MALRD1: variants seen among roughly 807,000 people sequenced by gnomAD.
MALRD1 encodes MAM and LDL receptor class A domain containing 1, also known as MAM and LDL-receptor class A domain-containing protein 1.
Under a neutral mutation model 242.1 loss-of-function variants are expected in MALRD1, and 247 were observed. The ratio of observed to expected loss-of-function variants is 1.02; its 90% CI spans 0.92 to 1.13. The LOEUF (loss-of-function observed/expected upper bound fraction) is 1.13. Among genes scored for constraint, MALRD1 ranks in the 50% most tolerant of loss-of-function variants. MALRD1 has a pLI of 0.00. For missense variants in MALRD1, 2,989 were observed against 2,533.1 expected (o/e 1.18, Z -3.86); for synonymous variants, 995 against 866.6 (o/e 1.15, Z -2.60).
chr10:19,371,608 A>G lies in MALRD1; in HGVS notation c.4442-15920A>G, dbSNP rs117755775. Among the ~76,000 whole-genome samples the G allele has an allele frequency of 2.2e-3, 339 of 152,198 alleles. 10 individuals are homozygous for G. In the East Asian group the frequency reaches 0.041, roughly 19 times the overall value. On this transcript the variant is annotated intron_variant, in intron 26 of 39. Transcript: ENST00000454679. ...AATTAACCCTACTTGGTCAGAATCT[A>G]TTATCCCTTCTATATATTGCTAGAT...
chr10:19,488,973 G>A, intron 29 of MALRD1: 1 of 436,710 alleles, frequency 2.3e-6, no homozygotes, highest in Non-Finnish European at 4.7e-6. Flanking sequence ...GGGCGGAGGA[G>A]AAGGCGGGCT....
intron 10 of MALRD1, among the ~76,000 whole-genome samples, chr10:19,138,972 G>A (rs1833450069): frequency 6.6e-6 from 1 of 152,094 alleles, no homozygotes; most frequent in African/African-American, 2.4e-5. Flanking sequence ...TTACTTATTA[G>A]TCTTTTAAGT....
intron 26 of MALRD1, among the ~76,000 whole-genome samples, chr10:19,386,857 A>G (rs553110274): frequency 6.6e-6 from 1 of 152,142 alleles, no homozygotes; most frequent in Non-Finnish European, 1.5e-5. Context: ...TTACTAATAA[A>G]TATTAGCACT....
chr10:19,428,947 G>A (rs1031557059), intron 28 of MALRD1, among the ~76,000 whole-genome samples: 1 of 152,080 alleles, frequency 6.6e-6, no homozygotes, highest in African/African-American at 2.4e-5. Flanking sequence ...GAGCCTATCT[G>A]TAGTCTGAAT....
At chr10:19,326,176 T>C (rs937370220) in intron 22 of MALRD1, among the ~76,000 whole-genome samples, 1 of 152,088 alleles carries the variant, frequency 6.6e-6, no homozygotes, top group African/African-American at 2.4e-5. Flanking sequence ...TTGTTGTAAA[T>C]TGACTTTTTA....
At chr10:19,646,834 T>C (rs1840681818) in intron 36 of MALRD1, among the ~76,000 whole-genome samples, 1 of 152,150 alleles carries the variant, frequency 6.6e-6, no homozygotes, top group East Asian at 1.9e-4. Context: ...TGTTTCACTC[T>C]CATTTGTGAC....
At chr10:19,362,351 A>G (rs149288937) in intron 26 of MALRD1, among the ~76,000 whole-genome samples, 84 of 152,212 alleles carry the variant, frequency 5.5e-4, no homozygotes, top group African/African-American at 1.9e-3. Flanking sequence ...TGTGCCATGT[A>G]TTACTAGTAA....
At chr10:19,657,173 G>T (rs960193802) in intron 36 of MALRD1, among the ~76,000 whole-genome samples, 1 of 151,912 alleles carries the variant, frequency 6.6e-6, no homozygotes, top group Non-Finnish European at 1.5e-5. Flanking sequence ...CCGACCCTTC[G>T]CCCACTCCCT....
Position 19,209,271 on chromosome 10 carries a change from C to G in MALRD1, c.2582C>G (p.Pro861Arg). Residue 861 changes from proline (P) to arginine (R), a missense_variant, in exon 18 of 40, where the codon CCT (proline) becomes CGT (arginine). By Grantham distance (103) the Pro-to-Arg change is moderately radical. Transcript: ENST00000454679. ...TTTTATTTCATGTGAATTTCAGCAC[C>G]TGAGCTGCAGTGTAACTTTGAAACT... The part of the protein sequence containing the change: ...GDRTDEVNCA[P>R]ELQCNFETGI... 5.9e-6 allele frequency: 9 copies of G among 1,516,080 alleles called. No homozygotes were observed. The highest frequency in any genetic ancestry group is 7.9e-6 in the Non-Finnish European group (9 of 1,133,626). The allele number at this position is 1,516,080 out of a possible 1,614,324, so 93.9% of individuals were successfully genotyped here.
intron 30 of MALRD1, among the ~76,000 whole-genome samples, chr10:19,497,680 AAAG>A (rs1218999554): frequency 2.0e-5 from 3 of 152,150 alleles, no homozygotes. Context: ...TTCTTTCTAA[AAAG>A]AAAGGAAAAG....
intron 19 of MALRD1, among the ~76,000 whole-genome samples, chr10:19,260,578 T>C (rs1405129199): frequency 6.6e-6 from 1 of 152,124 alleles, no homozygotes; most frequent in East Asian, 1.9e-4. Flanking sequence ...GTAGGGGAGA[T>C]AGAAAATCTT....
intron 36 of MALRD1, among the ~76,000 whole-genome samples, chr10:19,679,525 G>T (rs902780490): frequency 2.0e-5 from 3 of 151,910 alleles, no homozygotes; most frequent in Non-Finnish European, 4.4e-5. Context: ...CATTTTTATT[G>T]TGTCTATTTA....
intron 18 of MALRD1, among the ~76,000 whole-genome samples, chr10:19,225,061 G>T (rs1588722940): frequency 6.6e-6 from 1 of 152,154 alleles, no homozygotes; most frequent in Non-Finnish European, 1.5e-5. Flanking sequence ...CATATGGCTA[G>T]CCAGTTTTCC....
chr10:19,458,779 C>T (rs1003364785), intron 29 of MALRD1, among the ~76,000 whole-genome samples: 7 of 152,170 alleles, frequency 4.6e-5, no homozygotes, highest in African/African-American at 1.7e-4. Context: ...GTCTCCCTTG[C>T]ATGTTAAAAG....
At chr10:19,683,165 G>A (rs1458460485) in intron 36 of MALRD1, among the ~76,000 whole-genome samples, 1 of 152,114 alleles carries the variant, frequency 6.6e-6, no homozygotes, top group Non-Finnish European at 1.5e-5. Context: ...TTTCAAAATG[G>A]CAGAATTGGT....
rs576574907 is a variant in MALRD1, at chr10:19,474,340, T to C, written c.5030-17177T>C. On this transcript the variant is annotated intron_variant, in intron 29 of 39. Transcript: ENST00000454679. ...TTATAAATATAGAAACATTTGTAAA[T>C]TTATCCTATTTCCAATGTACATCCA... Among the ~76,000 whole-genome samples the C allele has an allele frequency of 9.2e-5, 14 of 152,300 alleles. No homozygotes were observed. In the East Asian group the frequency reaches 2.7e-3, roughly 29 times the overall value.
chr10:19,553,545 C>T (rs538267739), intron 32 of MALRD1, among the ~76,000 whole-genome samples: 2 of 151,818 alleles, frequency 1.3e-5, no homozygotes, highest in African/African-American at 4.8e-5. Flanking sequence ...GTTTAAATCC[C>T]CTATTTAAAT....
At chr10:19,132,345 G>T (rs751847083) in intron 8 of MALRD1, among the ~76,000 whole-genome samples, 3 of 152,160 alleles carry the variant, frequency 2.0e-5, no homozygotes, top group African/African-American at 2.4e-5. Context: ...AGTTCATCCT[G>T]ATCCGCCATG....
chr10:19,587,218 G>C (rs1199674338), intron 33 of MALRD1, among the ~76,000 whole-genome samples: 4 of 152,200 alleles, frequency 2.6e-5, no homozygotes, highest in African/African-American at 9.6e-5. Flanking sequence ...CTGTAGACCG[G>C]AGCTGTTCCT....
Sources: allele counts gnomAD v4.1 joint callset (sites outside exome capture counted in the v4.1 genomes callset), GRCh38; gene constraint gnomAD v4.1.1; transcripts MANE v1.5; gene names NCBI Gene and HGNC (gene_info 2026-07-23, HGNC 2026-07-21).